Variants in PRH1 observed in about 807,000 individuals in gnomAD.
The protein encoded by PRH1 is salivary acidic proline-rich phosphoprotein 1/2.
In PRH1, 7 loss-of-function variants were observed where a neutral mutation model predicts 7.9. The observed-to-expected ratio is 0.89, with a 90% CI of 0.50 to 1.67. The LOEUF (loss-of-function observed/expected upper bound fraction) is 1.67. Among genes scored for constraint, PRH1 ranks in the 40% most tolerant of loss-of-function variants. The probability of loss-of-function intolerance (pLI) is 0.00; values close to 1 mark genes in which losing one functional copy is unlikely to be tolerated. For synonymous variants in PRH1, 45 were observed against 80.8 expected, an observed-to-expected ratio of 0.56 and a Z score of 2.38; for missense variants, 109 against 223.6, an observed-to-expected ratio of 0.49 and a Z score of 3.27.
downstream of PRH1, among the ~76,000 whole-genome samples, chr12:11,119,629 A>G (rs1267637937): frequency 6.6e-6 from 1 of 152,226 alleles, no homozygotes; most frequent in Non-Finnish European, 1.5e-5. Flanking sequence ...AAGGTAAACT[A>G]ATATGCCCAC....
rs762033128 is a variant in PRH1, at chr12:10,997,417, C to A, written c.-125-23696G>T. On this transcript the variant is annotated intron_variant, in intron 1 of 3. Coordinates refer to the PRH1 transcript ENST00000539853. ...CGTTTCCTTCACATTCTTCTGTCCA[C>A]ACATTTATATACGTGTGTTTCATCA... 17 of 1,613,946 alleles carry A rather than the reference C, an allele frequency of 1.1e-5. 1 individual carries two copies. In the South Asian group the frequency reaches 1.9e-4, roughly 18 times the overall value.
chr12:11,060,102 T>C (rs986656236), intron 1 of PRH1, among the ~76,000 whole-genome samples: 4 of 152,144 alleles, frequency 2.6e-5, no homozygotes, highest in African/African-American at 9.7e-5. Flanking sequence ...GGATGATTTA[T>C]CTTAAGGTTT....
chr12:11,105,666 A>T (rs1209324073), intron 1 of PRH1, among the ~76,000 whole-genome samples: 1 of 152,148 alleles, frequency 6.6e-6, no homozygotes, highest in Non-Finnish European at 1.5e-5. Flanking sequence ...TCTTTGTTTA[A>T]CCTCTCCACA....
intron 2 of PRH1, among the ~76,000 whole-genome samples, chr12:10,889,811 GT>G (rs1459585404): frequency 6.6e-6 from 1 of 151,972 alleles, no homozygotes; most frequent in East Asian, 1.9e-4. Context: ...CCCAATAAAG[GT>G]TTTTTAAGAC....
At chr12:10,922,359 G>C (rs1950057873) in intron 2 of PRH1, among the ~76,000 whole-genome samples, 1 of 152,142 alleles carries the variant, frequency 6.6e-6, no homozygotes, top group Admixed American at 6.5e-5. Flanking sequence ...ATTGTGAAAA[G>C]CTTTTTCGTT....
At chr12:10,951,135 C>T (rs1210813393) in intron 2 of PRH1, among the ~76,000 whole-genome samples, 1 of 152,106 alleles carries the variant, frequency 6.6e-6, no homozygotes, top group East Asian at 1.9e-4. Context: ...ACTATTTAAA[C>T]AACGTCTCTT....
Position 11,085,151 on chromosome 12 carries a change from AT to A in PRH1, n.124-37964del, listed in dbSNP as rs1186463157. 3.1e-5 allele frequency among the ~76,000 whole-genome samples: 3 copies of A among 96,642 alleles called. No individual in the cohort carries two copies. The East Asian group carries it at 8.0e-4, about 26-fold the overall frequency. 63.4% of individuals were successfully genotyped at this position (96,642 alleles called of 152,430 possible). A position where few individuals can be genotyped will look rare whatever the true frequency, so the allele number is the denominator to read the frequency against. ...CATATTCTTTATTACTTTTCCTAAT[AT>A]TTTTCTTCAAGTTTTAAATACTGTT... On this transcript the variant is annotated intron_variant and non_coding_transcript_variant, in intron 1 of 4. Transcript: ENST00000541977.
At chr12:11,088,934 G>C (rs1484096561) in intron 1 of PRH1, among the ~76,000 whole-genome samples, 1 of 115,706 alleles carries the variant, frequency 8.6e-6, no homozygotes, top group Non-Finnish European at 2.0e-5. Flanking sequence ...AGTATCCTCT[G>C]TGTGAAAAAC....
Position 11,060,850 on chromosome 12 carries a change from C to T in PRH1, n.124-13662G>A, listed in dbSNP as rs1413532981. On this transcript the variant is annotated intron_variant and non_coding_transcript_variant, in intron 1 of 4. Coordinates refer to the PRH1 transcript ENST00000541977. ...ATGGAATAAAACCTCAAAGACACAT[C>T]CTTATTATTGATTTAGAATTGAATG... is the stretch of plus-strand genomic sequence containing the variant. Among the ~76,000 whole-genome samples the T allele has an allele frequency of 2.0e-5, 3 of 152,338 alleles. No individual in the cohort carries two copies. The East Asian group carries it at 5.8e-4, about 29-fold the overall frequency.
intron 1 of PRH1, among the ~76,000 whole-genome samples, chr12:11,039,542 T>C (rs377760924): frequency 6.6e-6 from 1 of 152,218 alleles, no homozygotes; most frequent in Non-Finnish European, 1.5e-5. Context: ...TTGTTTAAAC[T>C]CTCCATAATT....
intron 1 of PRH1, among the ~76,000 whole-genome samples, chr12:11,089,957 T>G (rs1174056217): frequency 1.1e-5 from 1 of 92,014 alleles, no homozygotes; most frequent in Admixed American, 1.1e-4. Context: ...CCTGTAATCT[T>G]AACCTGAGAC....
chr12:10,984,993 T>C (rs1220257004), intron 1 of PRH1, among the ~76,000 whole-genome samples: 1 of 152,046 alleles, frequency 6.6e-6, no homozygotes, highest in African/African-American at 2.4e-5. Context: ...ACTCAAGTTC[T>C]TTTATGTGAA....
intron 1 of PRH1, among the ~76,000 whole-genome samples, chr12:11,080,091 T>C (rs564876098): frequency 1.7e-5 from 2 of 120,640 alleles, no homozygotes; most frequent in African/African-American, 5.7e-5. Context: ...CCTATACCTT[T>C]CTTCATATCT....
intron 1 of PRH1, among the ~76,000 whole-genome samples, chr12:11,017,413 A>C (rs1361654571): frequency 6.6e-6 from 1 of 152,196 alleles, no homozygotes; most frequent in African/African-American, 2.4e-5. Flanking sequence ...AAATATTTAG[A>C]GAACACCAAC....
intron 2 of PRH1, among the ~76,000 whole-genome samples, chr12:10,960,693 C>T (rs192414452): frequency 6.6e-6 from 1 of 152,194 alleles, no homozygotes; most frequent in East Asian, 1.9e-4. Context: ...AATTGGTATT[C>T]ATAAGCAGGA....
At chr12:10,885,263 G>A (rs943178538), upstream of PRH1, among the ~76,000 whole-genome samples, 1 of 152,186 alleles carries the variant, frequency 6.6e-6, no homozygotes, top group Non-Finnish European at 1.5e-5. Context: ...TTTCATCAGA[G>A]TGTTCTTTCT....
chr12:11,121,962 GATA>G (rs1945921062), intron 1 of PRH1, among the ~76,000 whole-genome samples: 1 of 152,010 alleles, frequency 6.6e-6, no homozygotes, highest in African/African-American at 2.4e-5. Context: ...TATAAATAGA[GATA>G]ATTCTTCAAA....
intron 1 of PRH1, among the ~76,000 whole-genome samples, chr12:11,087,664 T>G (rs143936752): frequency 8.5e-6 from 1 of 117,312 alleles, no homozygotes; most frequent in African/African-American, 2.9e-5. Flanking sequence ...GGAATGGAAC[T>G]GGTCACTGCC....
chr12:10,963,982 C>T (rs1024946586), intron 2 of PRH1, among the ~76,000 whole-genome samples: 1 of 141,990 alleles, frequency 7.0e-6, no homozygotes, highest in Non-Finnish European at 1.6e-5. Context: ...CAAATAATCA[C>T]GTTTAAGCAC....
Sources: allele counts gnomAD v4.1 joint callset (sites outside exome capture counted in the v4.1 genomes callset), GRCh38; gene constraint gnomAD v4.1.1; transcripts MANE v1.5; gene names NCBI Gene and HGNC (gene_info 2026-07-23, HGNC 2026-07-21).